CHN1: variants seen among roughly 807,000 people sequenced by gnomAD.
CHN1 encodes chimerin 1.
Under a neutral mutation model 59.5 loss-of-function variants are expected in CHN1, and 37 were observed. The ratio of observed to expected loss-of-function variants is 0.62; its 90% CI spans 0.48 to 0.82. The LOEUF (loss-of-function observed/expected upper bound fraction) is 0.82. Among genes scored for constraint, CHN1 ranks in the 40% least tolerant of loss-of-function variants. The pLI, the probability that CHN1 is intolerant of heterozygous loss-of-function variation, is 0.00. For missense variants in CHN1, 469 were observed against 571.0 expected, an observed-to-expected ratio of 0.82 and a Z score of 1.82; for synonymous variants, 206 against 200.4, an observed-to-expected ratio of 1.03 and a Z score of -0.24.
rs1479044462 is a variant in CHN1 at position 174,893,666 on chromosome 2, T to C, written c.261-15538A>G. On this transcript the variant is annotated intron_variant, in intron 5 of 12. Transcript: ENST00000409900. ...ATATGAAATCTCAAAAGACCACAAA[T>C]GGCCAAAACGATCTTGGGAAAGACA... Among the ~76,000 whole-genome samples, 10 of 152,246 alleles carry C rather than the reference T, an allele frequency of 6.6e-5. No individual in the cohort carries two copies. In the East Asian group the frequency reaches 1.9e-3, roughly 29 times the overall value.
At chr2:174,984,654 A>G (rs1318752278) in intron 1 of CHN1, among the ~76,000 whole-genome samples, 1 of 152,196 alleles carries the variant, frequency 6.6e-6, no homozygotes, top group Non-Finnish European at 1.5e-5. Context: ...GGCGTGAGCC[A>G]CTGTGCCTGG....
chr2:174,969,734 T>C (rs1398027378), intron 1 of CHN1, among the ~76,000 whole-genome samples: 2 of 152,164 alleles, frequency 1.3e-5, no homozygotes, highest in African/African-American at 4.8e-5. Flanking sequence ...TCTAAAATAC[T>C]ACATATTTTA....
At chr2:174,844,725 CTTTCT>C (rs1686449028) in intron 7 of CHN1, among the ~76,000 whole-genome samples, 1 of 152,098 alleles carries the variant, frequency 6.6e-6, no homozygotes, top group South Asian at 2.1e-4. Flanking sequence ...GACTTTCCTC[CTTTCT>C]TATTTTTTAT....
At chr2:174,926,426 C>T (rs1309996316) in intron 3 of CHN1, among the ~76,000 whole-genome samples, 2 of 152,036 alleles carry the variant, frequency 1.3e-5, no homozygotes, top group African/African-American at 4.8e-5. Context: ...TCAGGACCCC[C>T]AAATCACTAA....
At chr2:174,972,430 A>C (rs573700955) in intron 1 of CHN1, among the ~76,000 whole-genome samples, 9 of 152,174 alleles carry the variant, frequency 5.9e-5, no homozygotes, top group Non-Finnish European at 1.3e-4. Context: ...AATTCCCCTA[A>C]GCTAAACATT....
At chr2:174,928,723 A>G (rs1354916541) in intron 3 of CHN1, among the ~76,000 whole-genome samples, 1 of 152,242 alleles carries the variant, frequency 6.6e-6, no homozygotes. Context: ...AGCCAAGGAA[A>G]GGCTAGAATC....
chr2:174,914,313 T>C (rs567400755), intron 5 of CHN1, among the ~76,000 whole-genome samples: 1 of 152,292 alleles, frequency 6.6e-6, no homozygotes, highest in Admixed American at 6.5e-5. Context: ...CACTGTACTG[T>C]AAGCCAAAAC....
At chr2:174,986,301 C>T (rs1310747055) in intron 1 of CHN1, among the ~76,000 whole-genome samples, 3 of 152,080 alleles carry the variant, frequency 2.0e-5, no homozygotes, top group Non-Finnish European at 4.4e-5. Context: ...GAAAAGGGGG[C>T]CCTTTGTTTT....
intron 8 of CHN1, among the ~76,000 whole-genome samples, chr2:174,815,905 C>T (rs901599014): frequency 2.0e-5 from 3 of 152,090 alleles, no homozygotes; most frequent in Non-Finnish European, 4.4e-5. Context: ...CAAATGTCAA[C>T]CTAGTTTACA....
At chr2:174,945,379 T>C (rs1689795253) in intron 2 of CHN1, 2 of 160,202 alleles carry the variant, frequency 1.2e-5, no homozygotes, top group Admixed American at 6.4e-5. Context: ...ACTATTTATA[T>C]TGCAAACATC....
chr2:174,925,421 C>T (rs781201618), intron 3 of CHN1, among the ~76,000 whole-genome samples: 29 of 152,208 alleles, frequency 1.9e-4, no homozygotes, highest in Non-Finnish European at 2.9e-4. Context: ...TTTGAAAAGG[C>T]CCCGCAAAGC....
At position 174,874,492 on chromosome 2, in the gene CHN1, C is replaced by A. The variant is rs374657736; in HGVS notation, c.549+3348G>T. Among the ~76,000 whole-genome samples the A allele has an allele frequency of 5.5e-4, 84 of 152,118 alleles. No individual in the cohort carries two copies. The South Asian group carries it at 0.016, about 29-fold the overall frequency. On this transcript the variant is annotated intron_variant, in intron 6 of 12. Coordinates refer to ENST00000409900, the MANE Select transcript of CHN1 (RefSeq NM_001822.7). ...CTTGGAAAAAAAATATTTTTCACAC[C>A]AGATCCTAGGGACAAGTAAGAATCT...
chr2:174,811,709 T>G, intron 9 of CHN1, 121 bp from the exon 10 acceptor site: 1 of 585,818 alleles, frequency 1.7e-6, no homozygotes, highest in Non-Finnish European at 3.0e-6. Context: ...TTAGAAATCT[T>G]TTCACACTCT....
chr2:174,820,054 C>T (rs1200458536), intron 8 of CHN1, among the ~76,000 whole-genome samples: 1 of 151,974 alleles, frequency 6.6e-6, no homozygotes, highest in Non-Finnish European at 1.5e-5. Context: ...TTTCTTAATC[C>T]AGTCTATCAA....
chr2:174,918,358 C>T (rs954674024), intron 4 of CHN1, among the ~76,000 whole-genome samples, 176 bp downstream of exon 4: 1 of 152,210 alleles, frequency 6.6e-6, no homozygotes. Context: ...CTTATTTATA[C>T]TTGTCTTTAT....
rs77734779 is a variant in CHN1, at chr2:174,962,591, C to G, written c.20-10389G>C. The stretch of plus-strand genomic sequence containing the variant: ...ATAACCTATGACTTAAGAATAGCTG[C>G]TTAAAATATCTTTATCATGGTATGG... On this transcript the variant is annotated intron_variant, in intron 1 of 12. Coordinates refer to ENST00000409900, the MANE Select transcript of CHN1 (RefSeq NM_001822.7). Among the ~76,000 whole-genome samples the G allele has an allele frequency of 5.5e-3, 788 of 142,964 alleles. 5 individuals are homozygous for G. Among genetic ancestry groups the G allele is most frequent in the South Asian group, 0.017 (76 of 4,598 alleles). The allele number at this position is 142,964 out of a possible 152,430, so 93.8% of individuals were successfully genotyped here.
In CHN1 at chr2:174,799,856, G is replaced by A. The variant is rs770225680; in HGVS notation, c.*260C>T. On this transcript the variant is annotated 3_prime_UTR_variant, in exon 13 of 13. Coordinates refer to ENST00000409900, the MANE Select transcript of CHN1 (RefSeq NM_001822.7). ...TCTTCTGTATGGGGTTTCCTTGCCA[G>A]ATAGGGGGCTAATCATGCAATAGCT... The A allele has an allele frequency of 3.4e-6, 2 of 587,506 alleles. No individual in the cohort carries two copies. Among genetic ancestry groups the A allele is most frequent in the South Asian group, 3.0e-5 (2 of 65,656 alleles). 36.4% of individuals were successfully genotyped at this position (587,506 alleles called of 1,614,324 possible).
chr2:174,914,547 T>C (rs1488321481), intron 5 of CHN1, among the ~76,000 whole-genome samples: 2 of 152,104 alleles, frequency 1.3e-5, no homozygotes, highest in Non-Finnish European at 2.9e-5. Context: ...TACCGCAAAA[T>C]GCTTTAAAAG....
chr2:174,804,219 A>T (rs1028966019), intron 11 of CHN1, among the ~76,000 whole-genome samples: 3 of 152,166 alleles, frequency 2.0e-5, no homozygotes, highest in Admixed American at 2.0e-4. Flanking sequence ...GTGCTGGTGG[A>T]GGAGGAGCCA....
Sources: allele counts gnomAD v4.1 joint callset (sites outside exome capture counted in the v4.1 genomes callset), GRCh38; gene constraint gnomAD v4.1.1; transcripts MANE v1.5; gene names NCBI Gene and HGNC (gene_info 2026-07-23, HGNC 2026-07-21).